UGGT2: variants seen among roughly 807,000 people sequenced by gnomAD.
The protein encoded by UGGT2 is UDP-glucose:glycoprotein glucosyltransferase 2.
In UGGT2, 180 loss-of-function variants were observed where a neutral mutation model predicts 192.1. The ratio of observed to expected loss-of-function variants is 0.94; its 90% CI spans 0.83 to 1.06. The LOEUF is 1.06. Among genes scored for constraint, UGGT2 ranks in the 50% least tolerant of loss-of-function variants. The pLI, the probability that UGGT2 is intolerant of heterozygous loss-of-function variation, is 0.00. For synonymous variants in UGGT2, 580 were observed against 591.0 expected (o/e 0.98, Z 0.27); for missense variants, 1,849 against 1,795.7 (o/e 1.03, Z -0.54).
chr13:96,030,389 T>C (rs993062208), intron 2 of UGGT2, among the ~76,000 whole-genome samples: 2 of 152,234 alleles, frequency 1.3e-5, no homozygotes, highest in African/African-American at 4.8e-5. Context: ...TCCCATCATC[T>C]AAAGTACCTC....
At chr13:95,907,471 T>A (rs1230508926) in intron 20 of UGGT2, among the ~76,000 whole-genome samples, 2 of 98,416 alleles carry the variant, frequency 2.0e-5, no homozygotes, top group Non-Finnish European at 4.5e-5. Flanking sequence ...GGTCCCCATG[T>A]AGCCTAACTG....
chr13:96,029,942 A>G (rs1194810575), intron 2 of UGGT2, among the ~76,000 whole-genome samples: 1 of 152,244 alleles, frequency 6.6e-6, no homozygotes, highest in African/African-American at 2.4e-5. Context: ...TTTTTAAACT[A>G]TCTTGGATAC....
At chr13:95,805,880 T>G (rs1884276810) in intron 38 of UGGT2, among the ~76,000 whole-genome samples, 1 of 151,916 alleles carries the variant, frequency 6.6e-6, no homozygotes, top group Non-Finnish European at 1.5e-5. Context: ...ATTACTGAAC[T>G]TAAAAATGGT....
chr13:95,863,807 T>C (rs181137532), intron 30 of UGGT2, 93 bp from the exon 31 acceptor site: 7 of 983,502 alleles, frequency 7.1e-6, no homozygotes, highest in South Asian at 2.7e-5. Context: ...AGATTACCCA[T>C]AGAAATCTAA....
chr13:95,970,328 T>C, intron 11 of UGGT2, 66 bp from the exon 12 acceptor site: 3 of 1,428,354 alleles, frequency 2.1e-6, no homozygotes, highest in South Asian at 1.3e-5. Context: ...GTTTTAAAGT[T>C]TGATAGTCTT....
intron 15 of UGGT2, 33 bp from the exon 16 acceptor site, chr13:95,940,124 T>C (rs759232038): frequency 7.2e-7 from 1 of 1,388,118 alleles, no homozygotes; most frequent in Non-Finnish European, 9.6e-7. Flanking sequence ...ATTAATTTTC[T>C]TCTTATAGCA....
intron 5 of UGGT2, among the ~76,000 whole-genome samples, chr13:96,007,979 A>G (rs1184166601): frequency 6.6e-6 from 1 of 152,220 alleles, no homozygotes; most frequent in Non-Finnish European, 1.5e-5. Context: ...AACAACCATA[A>G]TGCAGAAGAA....
intron 12 of UGGT2, among the ~76,000 whole-genome samples, chr13:95,950,043 C>T (rs1172722651): frequency 6.6e-6 from 1 of 152,060 alleles, no homozygotes; most frequent in African/African-American, 2.4e-5. Context: ...AACTTCATCC[C>T]TGGGTCCCCA....
In UGGT2 at chr13:95,900,729, G is replaced by T. The variant is rs1169127545; in HGVS notation, c.2634+78C>A. On this transcript the variant is annotated intron_variant, in intron 22 of 38. Coordinates refer to ENST00000376747, the MANE Select transcript of UGGT2 (RefSeq NM_020121.4). ...CTCTGTGTGTGTCAGTCACATCAGG[G>T]GAATTGTGACAGAAAAAAGGCAGAC... is the stretch of plus-strand genomic sequence containing the variant. 3 of 1,434,122 alleles carry T rather than the reference G, an allele frequency of 2.1e-6. No homozygotes were observed. In the Admixed American group the frequency reaches 6.9e-5, roughly 33 times the overall value. The allele number at this position is 1,434,122 out of a possible 1,614,324, so 88.8% of individuals were successfully genotyped here.
intron 1 of UGGT2, among the ~76,000 whole-genome samples, chr13:96,037,006 A>C (rs762095722): frequency 6.6e-6 from 1 of 152,236 alleles, no homozygotes; most frequent in Non-Finnish European, 1.5e-5. Flanking sequence ...GCTCAAAATA[A>C]GTGTATTTCT....
chr13:95,977,848 A>T lies in UGGT2; in HGVS notation c.1093-5177T>A, dbSNP rs1210761468. Among the ~76,000 whole-genome samples, 4 of 152,340 alleles carry T rather than the reference A, an allele frequency of 2.6e-5. No homozygotes were observed. In the East Asian group the frequency reaches 7.7e-4, roughly 29 times the overall value. ...AAAATGTGGCACATGTACACCATGG[A>T]ATACTATGCAGTCATAGAAAAGAAT... On this transcript the variant is annotated intron_variant, in intron 10 of 38. Transcript: ENST00000376747.
intron 38 of UGGT2, among the ~76,000 whole-genome samples, chr13:95,825,419 CAGGCCA>C (rs1885926994): frequency 6.6e-6 from 1 of 152,092 alleles, no homozygotes; most frequent in African/African-American, 2.4e-5. Context: ...GCTTCCTTGC[CAGGCCA>C]AGCAAGAAAG....
At chr13:95,821,822 C>T (rs1443161155) in intron 38 of UGGT2, among the ~76,000 whole-genome samples, 1 of 152,028 alleles carries the variant, frequency 6.6e-6, no homozygotes, top group Admixed American at 6.6e-5. Context: ...ATAGGGTGAC[C>T]TTTCCCCAGT....
chr13:96,001,738 TATCTA>T (rs1330637636), intron 5 of UGGT2, among the ~76,000 whole-genome samples: 1 of 152,192 alleles, frequency 6.6e-6, no homozygotes, highest in Non-Finnish European at 1.5e-5. Flanking sequence ...ATTTTATAGA[TATCTA>T]CTTTTATAGA....
intron 20 of UGGT2, among the ~76,000 whole-genome samples, chr13:95,924,643 T>C (rs772592118): frequency 2.0e-4 from 30 of 152,092 alleles, no homozygotes; most frequent in Non-Finnish European, 4.0e-4. Flanking sequence ...GAAAACACTG[T>C]GTGTAACTTT....
chr13:95,898,708 A>C (rs2048018570), intron 22 of UGGT2, among the ~76,000 whole-genome samples: 1 of 152,100 alleles, frequency 6.6e-6, no homozygotes, highest in African/African-American at 2.4e-5. Context: ...AAAGGCTTTC[A>C]GGAGTGGGTT....
rs769608731 is a variant in UGGT2, at chr13:95,983,864, T to A, written c.1032A>T (p.Arg344Ser). Residue 344 changes from arginine (R) to serine (S), a missense_variant and splice_region_variant, in exon 10 of 39, where the codon AGA becomes AGT. Coordinates refer to ENST00000376747, the MANE Select transcript of UGGT2 (RefSeq NM_020121.4). ...GATTTACAGCAATTCTGGTTAGAGA[T>A]CTGGAAAAATGAATACTAATATAAT... ...DISQNFPIKA[R>S]SLTRIAVNQH... is the part of the protein sequence containing the mutation. The A allele has an allele frequency of 6.4e-7, 1 of 1,551,348 alleles. No homozygotes were observed. Among genetic ancestry groups the A allele is most frequent in the East Asian group, 2.3e-5 (1 of 44,200 alleles).
chr13:95,965,291 T>C (rs1318553278), intron 12 of UGGT2, among the ~76,000 whole-genome samples: 5 of 150,386 alleles, frequency 3.3e-5, no homozygotes, highest in African/African-American at 7.4e-5. Context: ...CACATGCACA[T>C]GTATGTTTAT....
rs566748146 is a variant in UGGT2 at position 95,922,772 on chromosome 13, G to A, written c.2295+2908C>T. ...CAGGAGTTGGGTGCTGTGGTGAGCC[G>A]AGATCACACCATTGTACTCCAGCCT... On this transcript the variant is annotated intron_variant, in intron 20 of 38. Transcript: ENST00000376747. 2.5e-4 allele frequency among the ~76,000 whole-genome samples: 38 copies of A among 150,730 alleles called. 1 individual carries two copies. Among genetic ancestry groups the A allele is most frequent in the African/African-American group, 5.4e-4 (22 of 40,996 alleles).
Sources: allele counts gnomAD v4.1 joint callset (sites outside exome capture counted in the v4.1 genomes callset), GRCh38; gene constraint gnomAD v4.1.1; transcripts MANE v1.5; gene names NCBI Gene and HGNC (gene_info 2026-07-23, HGNC 2026-07-21).